VWA8: variants seen among roughly 807,000 people sequenced by gnomAD.
The protein encoded by VWA8 is von Willebrand factor A domain containing 8.
In VWA8, 221 loss-of-function variants were observed where a neutral mutation model predicts 241.5. The ratio of observed to expected loss-of-function variants is 0.91; its 90% confidence interval spans 0.82 to 1.02. The LOEUF is 1.02. Among genes scored for constraint, VWA8 ranks in the 50% least tolerant of loss-of-function variants. VWA8 has a pLI of 0.00. For synonymous variants in VWA8, 852 were observed against 827.1 expected, an observed-to-expected ratio of 1.03 and a Z score of -0.52; for missense variants, 2,322 against 2,328.7, an observed-to-expected ratio of 1.00 and a Z score of 0.06.
rs114247358 is a variant in VWA8 at position 41,701,172 on chromosome 13, C to T, written c.3364+220G>A. ...TGCTACAATTGTAATGAGAAACAGA[C>T]ATATGCATACAAACTCAGGAGTGCT... On this transcript the variant is annotated intron_variant, in intron 28 of 44. Transcript: ENST00000379310. 1.1e-3 allele frequency among the ~76,000 whole-genome samples: 174 copies of T among 152,268 alleles called. 1 individual carries two copies. The highest frequency in any genetic ancestry group is 4.1e-3 in the African/African-American group (169 of 41,556).
intron 43 of VWA8, among the ~76,000 whole-genome samples, chr13:41,571,953 A>T (rs1340082178): frequency 6.8e-6 from 1 of 148,138 alleles, no homozygotes; most frequent in East Asian, 2.0e-4. Flanking sequence ...AGCCCCTCTG[A>T]CCGGCCGCCC....
chr13:41,886,566 G>A (rs1468316367), intron 7 of VWA8, among the ~76,000 whole-genome samples: 1 of 152,114 alleles, frequency 6.6e-6, no homozygotes, highest in African/African-American at 2.4e-5. Flanking sequence ...ACTATACCAT[G>A]TTAACCAAAG....
At chr13:41,806,608 C>T (rs1028658808) in intron 17 of VWA8, among the ~76,000 whole-genome samples, 1 of 152,036 alleles carries the variant, frequency 6.6e-6, no homozygotes, top group Non-Finnish European at 1.5e-5. Context: ...GAGGCTGAGG[C>T]AGAAGAACAG....
At chr13:41,704,216 T>A (rs2045268446) in intron 26 of VWA8, among the ~76,000 whole-genome samples, 1 of 152,194 alleles carries the variant, frequency 6.6e-6, no homozygotes, top group Non-Finnish European at 1.5e-5. Flanking sequence ...AATGTCCACA[T>A]AAATGTCAGC....
Position 41,681,439 on chromosome 13 carries a change from G to T in VWA8, c.4327+3608C>A, listed in dbSNP as rs115465267. Among the ~76,000 whole-genome samples the T allele has an allele frequency of 1.1e-3, 170 of 152,020 alleles. 1 individual carries two copies. Among genetic ancestry groups the T allele is most frequent in the African/African-American group, 3.9e-3 (163 of 41,446 alleles). ...CACAAACATGATGGTGAAAAAAACA[G>T]ACCAAGTTGCAGAAGAATAAATACA... On this transcript the variant is annotated intron_variant, in intron 35 of 44. Coordinates refer to ENST00000379310, the MANE Select transcript of VWA8 (RefSeq NM_015058.2).
intron 13 of VWA8, among the ~76,000 whole-genome samples, chr13:41,831,633 TTTTGA>T (rs1871463053): frequency 7.6e-6 from 1 of 130,804 alleles, no homozygotes; most frequent in Non-Finnish European, 1.7e-5. Flanking sequence ...TTTTTTTTTT[TTTTGA>T]GACAGAGTCT....
chr13:41,579,308 A>C (rs909976555), intron 42 of VWA8, among the ~76,000 whole-genome samples: 1 of 152,204 alleles, frequency 6.6e-6, no homozygotes, highest in Non-Finnish European at 1.5e-5. Flanking sequence ...CAGAAGATAA[A>C]TATGTGATTT....
intron 9 of VWA8, among the ~76,000 whole-genome samples, chr13:41,882,201 C>G (rs1173105965): frequency 6.8e-6 from 1 of 147,204 alleles, no homozygotes; most frequent in Non-Finnish European, 1.5e-5. Flanking sequence ...ACATCTCAGA[C>G]GATGGGCGGC....
intron 21 of VWA8, among the ~76,000 whole-genome samples, chr13:41,742,091 G>T (rs909521356): frequency 6.6e-6 from 1 of 152,198 alleles, no homozygotes; most frequent in African/African-American, 2.4e-5. Context: ...CACATGGAAG[G>T]ATGTAGAGCT....
At chr13:41,778,905 G>T (rs1213628097) in intron 19 of VWA8, among the ~76,000 whole-genome samples, 1 of 132,196 alleles carries the variant, frequency 7.6e-6, no homozygotes, top group Non-Finnish European at 1.5e-5. Context: ...GCAGTGGCGC[G>T]ATCTCGGCTC....
chr13:41,619,614 C>G (rs1324092287), intron 37 of VWA8, among the ~76,000 whole-genome samples: 8 of 151,956 alleles, frequency 5.3e-5, no homozygotes, highest in South Asian at 2.1e-4. Flanking sequence ...GTTTGTCATA[C>G]ATAGCTCTTA....
At chr13:41,701,072 G>A (rs892831142) in intron 28 of VWA8, among the ~76,000 whole-genome samples, 1 of 152,112 alleles carries the variant, frequency 6.6e-6, no homozygotes, top group Non-Finnish European at 1.5e-5. Flanking sequence ...TGGAATCCCA[G>A]CCAAAAAACC....
intron 18 of VWA8, among the ~76,000 whole-genome samples, chr13:41,785,719 G>A (rs558575816): frequency 2.1e-4 from 32 of 151,990 alleles, no homozygotes; most frequent in Non-Finnish European, 4.4e-4. Flanking sequence ...AGTTCTACAG[G>A]GAAGGAAAAC....
At chr13:41,635,772 G>A (rs971916813) in intron 37 of VWA8, among the ~76,000 whole-genome samples, 10 of 152,168 alleles carry the variant, frequency 6.6e-5, no homozygotes, top group African/African-American at 2.4e-4. Context: ...AAGAGTCAGA[G>A]AAATTTTCCT....
intron 39 of VWA8, among the ~76,000 whole-genome samples, chr13:41,608,343 T>G (rs1263835116): frequency 2.0e-5 from 3 of 152,092 alleles, no homozygotes; most frequent in Non-Finnish European, 4.4e-5. Context: ...GAAAAGAAAT[T>G]TTAGCCTCTG....
chr13:41,575,885 AAC>A lies in VWA8; in HGVS notation c.5272-49_5272-48del, dbSNP rs539710316. 3.2e-3 allele frequency: 4,518 copies of A among 1,402,688 alleles called. 14 individuals are homozygous for A. The highest frequency in any genetic ancestry group is 8.1e-3 in the Middle Eastern group (46 of 5,664). The allele number at this position is 1,402,688 out of a possible 1,614,324, so 86.9% of individuals were successfully genotyped here. A position where few individuals can be genotyped will look rare whatever the true frequency, so the allele number is the denominator to read the frequency against. ...AGTTATAAACTTTTCTCCACAAAAGAACAGTCATTAGATCTTTAATGTTCAAC... is the reference window on the plus strand; with the variant it reads ...AGTTATAAACTTTTCTCCACAAAAGAAGTCATTAGATCTTTAATGTTCAAC... On this transcript the variant is annotated intron_variant, in intron 42 of 44. Transcript: ENST00000379310.
At chr13:41,895,831 CT>C (rs59080554) in intron 4 of VWA8, among the ~76,000 whole-genome samples, 6,552 of 130,140 alleles carry the variant, frequency 0.05, 132 homozygotes, top group African/African-American at 0.083. Context: ...TGCAAATTTT[CT>C]TTTTTTTTTT....
At chr13:41,798,538 T>C (rs1472404119) in intron 17 of VWA8, among the ~76,000 whole-genome samples, 1 of 152,242 alleles carries the variant, frequency 6.6e-6, no homozygotes, top group Non-Finnish European at 1.5e-5. Context: ...TTTTCTCTTG[T>C]ATCTTTTTCC....
chr13:41,752,136 A>G (rs527601164), intron 21 of VWA8, among the ~76,000 whole-genome samples: 21 of 152,198 alleles, frequency 1.4e-4, no homozygotes, highest in African/African-American at 2.6e-4. Context: ...CTCATTGTCA[A>G]TATGTTTGCT....
Sources: allele counts gnomAD v4.1 joint callset (sites outside exome capture counted in the v4.1 genomes callset), GRCh38; gene constraint gnomAD v4.1.1; transcripts MANE v1.5; gene names NCBI Gene and HGNC (gene_info 2026-07-23, HGNC 2026-07-21).